The following ABCC1 variants were observed in gnomAD, a reference collection of about 807,000 sequenced individuals.
ABCC1 encodes ATP binding cassette subfamily C member 1 (ABCC1 blood group).
Under a neutral mutation model 172.9 loss-of-function variants are expected in ABCC1, and 83 were observed. The observed-to-expected ratio is 0.48, with a 90% CI of 0.40 to 0.58. ABCC1 has a LOEUF of 0.58. Among genes scored for constraint, ABCC1 ranks in the 20% least tolerant of loss-of-function variants. The probability of loss-of-function intolerance (pLI) is 0.00; values close to 1 mark genes in which losing one functional copy is unlikely to be tolerated. For missense variants in ABCC1, 1,817 were observed against 2,002.7 expected (o/e 0.91, Z 1.77); for synonymous variants, 937 against 825.2 (o/e 1.14, Z -2.32).
rs750543476 is a variant in ABCC1, at chr16:16,090,522, G to A, written c.2578G>A (p.Gly860Ser). ...CTACCAGGAGCTGCTGGCTCGAGAC[G>A]GCGCCTTCGCTGAGTTCCTGCGTAC... The part of the protein sequence containing the change: ...GSYQELLARD[G>S]AFAEFLRTYA... The change falls in exon 19 of 31, where the codon GGC becomes AGC. Residue 860 changes from glycine (G) to serine (S), a missense_variant. Gly to Ser is a moderately conservative substitution (Grantham distance 56, BLOSUM62 0). Around this residue, in one of 3 missense-constraint regions of ABCC1, gnomAD observed 1,412 missense variants for 1,600.3 expected, o/e 0.88. Transcript: ENST00000399410. 9 of 1,613,604 alleles carry A rather than the reference G, an allele frequency of 5.6e-6. No homozygotes were observed. Among genetic ancestry groups the A allele is most frequent in the Non-Finnish European group, 7.6e-6 (9 of 1,179,910 alleles).
chr16:16,048,709 G>T (rs909175451), intron 10 of ABCC1, among the ~76,000 whole-genome samples: 2 of 152,162 alleles, frequency 1.3e-5, no homozygotes, highest in Admixed American at 1.3e-4. Flanking sequence ...CTAAGTGGCC[G>T]GTTGCAGAGG....
intron 1 of ABCC1, among the ~76,000 whole-genome samples, chr16:15,950,285 TC>T (rs2045838695): frequency 6.6e-6 from 1 of 152,066 alleles, no homozygotes; most frequent in African/African-American, 2.4e-5. Flanking sequence ...TTTCATTGTC[TC>T]CCCAAAGTTG....
At chr16:16,127,916 GTT>G (rs371440132) in intron 26 of ABCC1, among the ~76,000 whole-genome samples, 56 of 128,296 alleles carry the variant, frequency 4.4e-4, no homozygotes, top group Middle Eastern at 4.3e-3. Context: ...ATTTCATTAG[GTT>G]TTTTTTTTTT....
chr16:16,007,729 C>A, intron 1 of ABCC1, 87 bp from the exon 2 acceptor site: 2 of 1,350,180 alleles, frequency 1.5e-6, no homozygotes, highest in Non-Finnish European at 2.0e-6. Flanking sequence ...TTCTTCAAAC[C>A]CCGTGGCAGC....
intron 1 of ABCC1, among the ~76,000 whole-genome samples, chr16:16,004,234 C>CG (rs1555479529): frequency 5.9e-5 from 9 of 151,740 alleles, no homozygotes; most frequent in African/African-American, 2.2e-4. Flanking sequence ...GAAGCAGTTG[C>CG]ATAGTCCTGG....
chr16:16,083,673 C>A, intron 17 of ABCC1, 131 bp downstream of exon 17: 1 of 1,178,980 alleles, frequency 8.5e-7, no homozygotes, highest in Non-Finnish European at 1.2e-6. Flanking sequence ...GGCGGCTCTG[C>A]TGCACGCTGC....
intron 26 of ABCC1, among the ~76,000 whole-genome samples, chr16:16,128,427 G>A (rs538617188): frequency 1.9e-4 from 29 of 152,250 alleles, no homozygotes; most frequent in African/African-American, 7.0e-4. Context: ...GGGATCACAG[G>A]TGTGAGCCAC....
chr16:16,112,984 T>C (rs1289530666), intron 22 of ABCC1, among the ~76,000 whole-genome samples: 1 of 152,196 alleles, frequency 6.6e-6, no homozygotes, highest in Admixed American at 6.5e-5. Context: ...CCCCTGCCTA[T>C]TGGGTGTCTT....
chr16:16,051,743 G>A (rs918171185), intron 10 of ABCC1, among the ~76,000 whole-genome samples: 5 of 152,108 alleles, frequency 3.3e-5, no homozygotes, highest in African/African-American at 4.8e-5. Context: ...GAGGGAAAGC[G>A]GTGTTCAGCA....
At chr16:16,010,994 G>C (rs112286919) in intron 3 of ABCC1, among the ~76,000 whole-genome samples, 6,455 of 152,250 alleles carry the variant, frequency 0.042, 453 homozygotes, top group African/African-American at 0.14. Context: ...AGCACTTTGG[G>C]AGGCTGAGGC....
At chr16:16,060,114 A>C (rs1384160359) in intron 12 of ABCC1, among the ~76,000 whole-genome samples, 4 of 152,144 alleles carry the variant, frequency 2.6e-5, no homozygotes, top group Non-Finnish European at 5.9e-5. Context: ...GAGGACTGGA[A>C]TGTTCTTCTG....
At chr16:16,052,484 C>T (rs573723435) in intron 10 of ABCC1, among the ~76,000 whole-genome samples, 1 of 152,170 alleles carries the variant, frequency 6.6e-6, no homozygotes, top group South Asian at 2.1e-4. Context: ...TCATGTGGCC[C>T]CAAGGGCTTG....
chr16:16,103,237 T>C (rs1039847884), intron 20 of ABCC1, among the ~76,000 whole-genome samples: 5 of 152,254 alleles, frequency 3.3e-5, no homozygotes, highest in African/African-American at 1.2e-4. Context: ...CTTAGATCCC[T>C]GGGGATTTAT....
At position 16,079,436 on chromosome 16, in the gene ABCC1, C is replaced by T. The variant is rs767498081; in HGVS notation, c.2073C>T (p.Leu691=). Residue 691 remains leucine (L), a synonymous_variant, in exon 16 of 31, where the codon CTC becomes CTT. Coordinates refer to ENST00000399410, the MANE Select transcript of ABCC1 (RefSeq NM_004996.4). ...GAAAGTCGTCCCTGCTCTCAGCCCT[C>T]TTGGCTGAGATGGACAAAGTGGAGG... ...GCGKSSLLSA[L]LAEMDKVEGH... 1.9e-6 allele frequency: 3 copies of T among 1,613,882 alleles called. No individual in the cohort carries two copies. Among genetic ancestry groups the T allele is most frequent in the Non-Finnish European group, 2.5e-6 (3 of 1,179,818 alleles).
chr16:16,028,105 C>A (rs2048437728), intron 5 of ABCC1, among the ~76,000 whole-genome samples: 2 of 152,164 alleles, frequency 1.3e-5, no homozygotes, highest in Non-Finnish European at 2.9e-5. Flanking sequence ...CTGCCGCCTT[C>A]CTTTTCCTTT....
chr16:16,142,907 C>G lies in ABCC1; in HGVS notation c.*1626C>G, dbSNP rs1057317647. On this transcript the variant is annotated 3_prime_UTR_variant, in exon 31 of 31. Transcript: ENST00000399410. ...CGCCGACTTCAAACCCAGAGAGCATCTTTCTTTTAGGCGAAAACGCATATA... is the reference window on the plus strand; with the variant it reads ...CGCCGACTTCAAACCCAGAGAGCATGTTTCTTTTAGGCGAAAACGCATATA... 3 of 152,586 alleles carry G rather than the reference C, an allele frequency of 2.0e-5. No individual in the cohort carries two copies. Among genetic ancestry groups the G allele is most frequent in the African/African-American group, 7.2e-5 (3 of 41,436 alleles). The allele number at this position is 152,586 out of a possible 1,614,324, so 9.5% of individuals were successfully genotyped here. A position where few individuals can be genotyped will look rare whatever the true frequency, so the allele number is the denominator to read the frequency against.
intron 1 of ABCC1, among the ~76,000 whole-genome samples, chr16:15,953,659 G>A (rs2151477071): frequency 6.6e-6 from 1 of 152,274 alleles, no homozygotes; most frequent in South Asian, 2.1e-4. Context: ...TGCACCAACT[G>A]CCACTGGAGA....
chr16:16,115,881 G>A (rs1188932348), intron 23 of ABCC1, among the ~76,000 whole-genome samples: 2 of 151,220 alleles, frequency 1.3e-5, no homozygotes, highest in African/African-American at 2.4e-5. Context: ...ATTTATACAA[G>A]CCTTTCATTC....
rs2047916003 is a variant in ABCC1, at chr16:16,014,481, C to A, written c.352-10C>A. 1 of 1,612,838 alleles carries A rather than the reference C, an allele frequency of 6.2e-7. No individual in the cohort carries two copies. The highest frequency in any genetic ancestry group is 2.2e-5 in the East Asian group (1 of 44,870). ...ACCCAACAACTCCTGTCTTGTGCTT[C>A]TCTCCTCAGCTGCTTGCTACCTTTT... is the stretch of plus-strand genomic sequence containing the variant. On this transcript the variant is annotated splice_polypyrimidine_tract_variant and intron_variant, in intron 3 of 30. Coordinates refer to ENST00000399410, the MANE Select transcript of ABCC1 (RefSeq NM_004996.4).
Sources: allele counts gnomAD v4.1 joint callset (sites outside exome capture counted in the v4.1 genomes callset), GRCh38; gene constraint gnomAD v4.1.1; regional missense constraint gnomAD v4.1.1; transcripts MANE v1.5; gene names NCBI Gene and HGNC (gene_info 2026-07-23, HGNC 2026-07-21).